Variants in DLG5 observed in about 807,000 individuals in gnomAD.
DLG5 encodes disks large homolog 5.
A neutral mutation model predicts 189.8 loss-of-function variants in DLG5; 48 were observed. The observed-to-expected ratio is 0.25, with a 90% CI of 0.20 to 0.32. DLG5 has a LOEUF of 0.32. DLG5 is among the 10% of genes least tolerant of loss of function. The pLI, the probability that DLG5 is intolerant of heterozygous loss-of-function variation, is 1.00. For synonymous variants in DLG5, 1,016 were observed against 1,054.1 expected (o/e 0.96, Z 0.70); for missense variants, 2,160 against 2,544.7 (o/e 0.85, Z 3.25).
chr10:77,823,205 T>G (rs1842453663), intron 14 of DLG5, among the ~76,000 whole-genome samples: 1 of 152,234 alleles, frequency 6.6e-6, no homozygotes, highest in South Asian at 2.1e-4. Context: ...CTAAGAATTC[T>G]GTATCAGCCC....
intron 1 of DLG5, among the ~76,000 whole-genome samples, chr10:77,884,412 C>T (rs1267534372): frequency 6.6e-6 from 1 of 152,154 alleles, no homozygotes; most frequent in Non-Finnish European, 1.5e-5. Flanking sequence ...TAAAGCCATA[C>T]CTCAGCTCAC....
At chr10:77,918,036 A>C (rs1056113596) in intron 1 of DLG5, among the ~76,000 whole-genome samples, 1 of 151,904 alleles carries the variant, frequency 6.6e-6, no homozygotes, top group African/African-American at 2.4e-5. Flanking sequence ...AAAACAAAAA[A>C]CAAAAAACTT....
chr10:77,864,850 T>C (rs1360618065), intron 2 of DLG5, among the ~76,000 whole-genome samples: 1 of 152,212 alleles, frequency 6.6e-6, no homozygotes, highest in Non-Finnish European at 1.5e-5. Context: ...TTCCCCAGCT[T>C]GGAGTGAAAG....
intron 27 of DLG5, among the ~76,000 whole-genome samples, chr10:77,797,005 G>C (rs1441827307): frequency 6.6e-6 from 1 of 152,158 alleles, no homozygotes; most frequent in Non-Finnish European, 1.5e-5. Context: ...GACAGGTGAG[G>C]CCTCCCCAAT....
In DLG5 at chr10:77,926,038, G is replaced by GGGGAGGCGGCGGGACTA. The variant is rs1564601318; in HGVS notation, c.304+178_304+179insTAGTCCCGCCGCCTCCC. Among the ~76,000 whole-genome samples the GGGGAGGCGGCGGGACTA allele has an allele frequency of 2.0e-5, 3 of 151,966 alleles. No individual in the cohort carries two copies. On this transcript the variant is annotated intron_variant, in intron 1 of 31. Transcript: ENST00000372391. The surrounding 1 kb of genome is among the most constrained non-coding windows in gnomAD (Gnocchi z 5.2). ...ATTGTTCACAGCGAACGGCGGGACT[G>GGGGAGGCGGCGGGACTA]GGGGAGGCGGCGGGACTTCGGGATC...
At chr10:77,849,037 G>A (rs567912595) in intron 5 of DLG5, among the ~76,000 whole-genome samples, 8 of 152,304 alleles carry the variant, frequency 5.3e-5, no homozygotes, top group East Asian at 3.9e-4. Flanking sequence ...AGGTGCACTC[G>A]GACTGCCCAA....
At chr10:77,894,297 CCT>C (rs1466778370) in intron 1 of DLG5, among the ~76,000 whole-genome samples, 3 of 152,110 alleles carry the variant, frequency 2.0e-5, no homozygotes, top group Non-Finnish European at 4.4e-5. Flanking sequence ...CCACTCTGTG[CCT>C]CTGTCTGCAC....
chr10:77,850,984 CAAG>C (rs747656685), intron 5 of DLG5, among the ~76,000 whole-genome samples: 4 of 152,310 alleles, frequency 2.6e-5, no homozygotes, highest in African/African-American at 9.6e-5. Context: ...AAGCGTAGAC[CAAG>C]AAGAACAAAC....
rs973789490 is a variant in DLG5, at chr10:77,833,927, G to A, written c.1735C>T (p.Leu579=). The change falls in exon 9 of 32, where the codon CTG becomes TTG. Residue 579 remains leucine, a synonymous_variant. Coordinates refer to ENST00000372391, the MANE Select transcript of DLG5 (RefSeq NM_004747.4). The part of the protein sequence containing the change: ...RKQKNDVSRE[L]KELKEQMESQ... Reference sequence around the variant, plus strand: ...ACCCGAGCCTACTTGAGCTCCTTCAGCTCGCGGCTGACATCATTCTTCTGC... The same window carrying A: ...ACCCGAGCCTACTTGAGCTCCTTCAACTCGCGGCTGACATCATTCTTCTGC... The A allele has an allele frequency of 1.2e-6, 2 of 1,606,392 alleles. No individual in the cohort carries two copies. The highest frequency in any genetic ancestry group is 2.7e-5 in the African/African-American group (2 of 74,902).
Position 77,811,117 on chromosome 10 carries a change from G to A in DLG5, c.4440C>T (p.Pro1480=), listed in dbSNP as rs759801002. 2 of 1,612,130 alleles carry A rather than the reference G, an allele frequency of 1.2e-6. No individual in the cohort carries two copies. Among genetic ancestry groups the A allele is most frequent in the Non-Finnish European group, 1.7e-6 (2 of 1,179,968 alleles). The part of the protein sequence containing the change: ...LMEQDEGPST[P]PAKQSSSRIA... ...ACCTGGAGCTGCTCTGCTTGGCTGG[G>A]GGGGTGCTAGGCCCCTCGTCCTGCT... is the stretch of plus-strand genomic sequence containing the variant. Residue 1480 remains proline, a synonymous_variant, in exon 23 of 32, where the codon CCC becomes CCT. Coordinates refer to ENST00000372391, the MANE Select transcript of DLG5 (RefSeq NM_004747.4).
chr10:77,919,214 T>C (rs1289196814), intron 1 of DLG5, among the ~76,000 whole-genome samples: 1 of 151,298 alleles, frequency 6.6e-6, no homozygotes, highest in African/African-American at 2.4e-5. Flanking sequence ...AGGCTCCATC[T>C]CAAAACAAAC....
intron 1 of DLG5, among the ~76,000 whole-genome samples, chr10:77,888,832 T>C (rs1175171195): frequency 6.6e-6 from 1 of 152,222 alleles, no homozygotes; most frequent in African/African-American, 2.4e-5. Context: ...TGGTCTTTTA[T>C]ATGTGGGTTG....
At chr10:77,858,335 A>G (rs1053591337) in intron 2 of DLG5, among the ~76,000 whole-genome samples, 1 of 152,242 alleles carries the variant, frequency 6.6e-6, no homozygotes, top group African/African-American at 2.4e-5. Flanking sequence ...TCACATCTCT[A>G]CAAAAAATAC....
chr10:77,881,322 G>C (rs1003979074), intron 1 of DLG5, among the ~76,000 whole-genome samples: 9 of 152,138 alleles, frequency 5.9e-5, no homozygotes, highest in Non-Finnish European at 1.3e-4. Context: ...CAGGGAACAG[G>C]AGATACCTAG....
chr10:77,830,728 AGAG>A lies in DLG5; in HGVS notation c.1881+10_1881+12del, dbSNP rs149405010. The A allele has an allele frequency of 2.4e-3, 3,802 of 1,613,780 alleles. 69 individuals carry two copies. In the African/African-American group the frequency reaches 0.046, roughly 19 times the overall value. On this transcript the variant is annotated intron_variant, in intron 10 of 31. Coordinates refer to ENST00000372391, the MANE Select transcript of DLG5 (RefSeq NM_004747.4). ...ATCAGAGAAGGAGAGAAGAACCATCAGAGGCAGCTTACCGTCTCCCTCTCGAAC... is the reference window on the plus strand; with the variant it reads ...ATCAGAGAAGGAGAGAAGAACCATCAGCAGCTTACCGTCTCCCTCTCGAAC...
intron 1 of DLG5, among the ~76,000 whole-genome samples, chr10:77,903,208 G>C (rs190735225): frequency 6.6e-6 from 1 of 152,108 alleles, no homozygotes; most frequent in African/African-American, 2.4e-5. Context: ...CAGGCGGATT[G>C]CTTGAGGTCA....
chr10:77,874,124 G>A (rs1845010463), intron 1 of DLG5, among the ~76,000 whole-genome samples: 1 of 152,272 alleles, frequency 6.6e-6, no homozygotes. Flanking sequence ...CCAGGTTCGG[G>A]AGAAAGAATG....
intron 14 of DLG5, among the ~76,000 whole-genome samples, chr10:77,823,926 T>G (rs1842491477): frequency 6.6e-6 from 1 of 152,130 alleles, no homozygotes; most frequent in Non-Finnish European, 1.5e-5. Context: ...AGGCTTTTTG[T>G]ATTTTCTGTA....
At chr10:77,805,639 A>G (rs1334664569) in intron 27 of DLG5, 26 bp downstream of exon 27, 3 of 1,589,518 alleles carry the variant, frequency 1.9e-6, no homozygotes, top group East Asian at 2.3e-5. Context: ...TGGAGAGCCC[A>G]CTGGAAAATG....
Sources: gnomAD v4.1 joint callset for allele counts (sites outside exome capture counted in the v4.1 genomes callset) on GRCh38, gnomAD v4.1.1 for gene constraint, Gnocchi (gnomAD v3.1) non-coding constraint, MANE v1.5 for transcripts, NCBI Gene and HGNC (gene_info 2026-07-23, HGNC 2026-07-21) for gene names.